Variants in COPS5 observed in about 807,000 individuals in gnomAD.
COPS5 encodes COP9 signalosome subunit 5, also known as COP9 signalosome complex subunit 5.
In COPS5, 8 loss-of-function variants were observed where a neutral mutation model predicts 44.4. That is an observed-to-expected ratio of 0.18 (90% CI 0.11 to 0.32). COPS5 has a LOEUF of 0.32. Ranked by LOEUF, COPS5 falls within the 10% of genes least tolerant of loss-of-function variation. COPS5 has a pLI of 1.00. For missense variants in COPS5, 159 were observed against 406.4 expected, an observed-to-expected ratio of 0.39 and a Z score of 5.23; for synonymous variants, 122 against 142.8, an observed-to-expected ratio of 0.85 and a Z score of 1.04.
At chr8:67,044,072 T>G (rs1200421150) in intron 7 of COPS5, 3 of 152,182 alleles carry the variant, frequency 2.0e-5, no homozygotes, top group Non-Finnish European at 4.4e-5. Context: ...AGACAGAGTC[T>G]CACTCTGTCA....
chr8:67,056,785 C>T (rs1260955884), intron 4 of COPS5, among the ~76,000 whole-genome samples, 181 bp from the exon 5 acceptor site: 1 of 143,378 alleles, frequency 7.0e-6, no homozygotes, highest in Admixed American at 7.2e-5. Flanking sequence ...AAATATTTAA[C>T]ATGAGCATTC....
At chr8:67,047,826 G>T in intron 6 of COPS5, 2 of 702,498 alleles carry the variant, frequency 2.8e-6, no homozygotes, top group South Asian at 1.5e-5. Flanking sequence ...TTGCCATCAG[G>T]TGTCACTTCT....
intron 6 of COPS5, among the ~76,000 whole-genome samples, chr8:67,050,296 C>T (rs1804380763): frequency 1.3e-5 from 2 of 152,192 alleles, no homozygotes; most frequent in South Asian, 2.1e-4. Context: ...CCACCGCGCC[C>T]GGCCTCTTTT....
chr8:67,056,686 TATATATATATATATATATATATATA>T (rs1804517030), intron 4 of COPS5, 82 bp from the exon 5 acceptor site: 1 of 95,554 alleles, frequency 1.0e-5, no homozygotes, highest in Non-Finnish European at 1.9e-5. Context: ...TATATATATA[TATATATATATATATATATATATATA>T]AAAATGAGAA....
rs116268602 is a variant in COPS5, at chr8:67,051,628, T to C, written c.660-287A>G. Among the ~76,000 whole-genome samples, 894 of 152,290 alleles carry C rather than the reference T, an allele frequency of 5.9e-3. 9 individuals carry two copies. Among genetic ancestry groups the C allele is most frequent in the African/African-American group, 0.02 (835 of 41,562 alleles). ...AACTTCTGAATGACAAGTTTATTCC[T>C]GTTACTGAGTTCATAAATTCAAGCC... On this transcript the variant is annotated intron_variant, in intron 5 of 7. Coordinates refer to ENST00000357849, the MANE Select transcript of COPS5 (RefSeq NM_006837.3).
chr8:67,047,830 C>T (rs1816719189), intron 6 of COPS5: 1 of 702,550 alleles, frequency 1.4e-6, no homozygotes, highest in East Asian at 2.7e-5. Flanking sequence ...CATCAGGTGT[C>T]ACTTCTGGCT....
chr8:67,059,271 T>C lies in COPS5; in HGVS notation c.318A>G (p.Arg106=). The change falls in exon 2 of 8, where the codon CGA becomes CGG. Residue 106 remains arginine, a synonymous_variant. Coordinates refer to ENST00000357849, the MANE Select transcript of COPS5 (RefSeq NM_006837.3). ...CATATGCAGCAGCCTGAGCATTTAC[T>C]CGGGTTTCAGTGCCCTCCACAGGCA... ...FALPVEGTET[R]VNAQAAAYEY... The C allele has an allele frequency of 6.2e-7, 1 of 1,614,226 alleles. No individual in the cohort carries two copies. Among genetic ancestry groups the C allele is most frequent in the Admixed American group, 1.7e-5 (1 of 60,018 alleles).
At chr8:67,054,033 A>C (rs1804459912) in intron 5 of COPS5, among the ~76,000 whole-genome samples, 1 of 151,438 alleles carries the variant, frequency 6.6e-6, no homozygotes, top group East Asian at 1.9e-4. Context: ...AGAACATTTT[A>C]GCAATTCCAG....
chr8:67,061,856 C>T lies in COPS5; in HGVS notation c.141G>A (p.Lys47=), dbSNP rs1804647470. The change falls in exon 1 of 8, where the codon AAG becomes AAA. Residue 47 remains lysine (K), a splice_region_variant and synonymous_variant. Transcript: ENST00000357849. ...CGTCTCGCCAGGGACCTCCTCACTCCTTAGTCCAGGGCTTCGCCGCCAGGA... is the reference window on the plus strand; with the variant it reads ...CGTCTCGCCAGGGACCTCCTCACTCTTTAGTCCAGGGCTTCGCCGCCAGGA... ...QEILAAKPWT[K]DHHYFKYCKI... The T allele has an allele frequency of 6.2e-7, 1 of 1,614,182 alleles. No homozygotes were observed.
chr8:67,061,781 C>T (rs2129538079), intron 1 of COPS5, 73 bp downstream of exon 1: 1 of 1,496,858 alleles, frequency 6.7e-7, no homozygotes, highest in Admixed American at 1.7e-5. Context: ...CCCCTTTCAC[C>T]TCCCTCTCCC....
At position 67,061,938 on chromosome 8, in the gene COPS5, T is replaced by C. The variant is rs1232078431; in HGVS notation, c.59A>G (p.Gln20Arg). Reference protein sequence around the residue: ...QKTWELANNMQEAQSIDEIYK... With the variant: ...QKTWELANNMREAQSIDEIYK... The stretch of plus-strand genomic sequence containing the variant: ...GATTTCATCGATACTCTGAGCTTCC[T>C]GCATGTTGTTGGCCAGTTCCCAGGT... The change falls in exon 1 of 8, where the codon CAG becomes CGG. Residue 20 changes from glutamine to arginine, a missense_variant. Transcript: ENST00000357849. 2 of 1,614,150 alleles carry C rather than the reference T, an allele frequency of 1.2e-6. No individual in the cohort carries two copies. Among genetic ancestry groups the C allele is most frequent in the Non-Finnish European group, 1.7e-6 (2 of 1,180,064 alleles).
At chr8:67,044,497 A>G (rs1230056116) in intron 7 of COPS5, 1 of 152,150 alleles carries the variant, frequency 6.6e-6, no homozygotes. Flanking sequence ...AAACCAAACC[A>G]GTTCTTAAAA....
rs1398186637 is a variant in COPS5, at chr8:67,056,660, T to G, written c.574-56A>C. The G allele has an allele frequency of 1.4e-3, 5 of 3,450 alleles. 1 individual carries two copies. Among genetic ancestry groups the G allele is most frequent in the Admixed American group, 4.5e-3 (1 of 222 alleles). 0.2% of individuals were successfully genotyped at this position (3,450 alleles called of 1,614,324 possible). ...AGAAAAAAAAAAAAAAAAATATATA[T>G]ATATATATATATATATATATATATA... On this transcript the variant is annotated intron_variant, in intron 4 of 7. Coordinates refer to ENST00000357849, the MANE Select transcript of COPS5 (RefSeq NM_006837.3).
At chr8:67,048,251 AGAGT>A (rs1816724177) in intron 6 of COPS5, among the ~76,000 whole-genome samples, 1 of 152,128 alleles carries the variant, frequency 6.6e-6, no homozygotes, top group African/African-American at 2.4e-5. Context: ...CCTGGGCAAC[AGAGT>A]GAGACCCTGT....
At position 67,059,482 on chromosome 8, in the gene COPS5, T is replaced by C. The variant is rs200851648; in HGVS notation, c.144-37A>G. 373 of 1,487,292 alleles carry C rather than the reference T, an allele frequency of 2.5e-4. No individual in the cohort carries two copies. In the African/African-American group the frequency reaches 4.6e-3, roughly 18 times the overall value. 92.1% of individuals were successfully genotyped at this position (1,487,292 alleles called of 1,614,324 possible). A position where few individuals can be genotyped will look rare whatever the true frequency, so the allele number is the denominator to read the frequency against. On this transcript the variant is annotated intron_variant, in intron 1 of 7. Transcript: ENST00000357849. Reference sequence around the variant, plus strand: ...AATCACAATGTAATTAAATTCCTTATATAAAGTAAAATTTCAGAAAAGTTT... The same window carrying C: ...AATCACAATGTAATTAAATTCCTTACATAAAGTAAAATTTCAGAAAAGTTT...
Position 67,054,838 on chromosome 8 carries a change from T to A in COPS5, c.659+1681A>T, listed in dbSNP as rs1239385426. 2.0e-5 allele frequency among the ~76,000 whole-genome samples: 3 copies of A among 152,148 alleles called. No homozygotes were observed. The East Asian group carries it at 5.8e-4, about 29-fold the overall frequency. On this transcript the variant is annotated intron_variant, in intron 5 of 7. Transcript: ENST00000357849. Reference sequence around the variant, plus strand: ...TCTATGTGGCATGCCCTGTTTTAAATCCAAGGATACAGCAGTAAATTTGTG... The same window carrying A: ...TCTATGTGGCATGCCCTGTTTTAAAACCAAGGATACAGCAGTAAATTTGTG...
At chr8:67,047,788 G>A (rs1816718714) in intron 6 of COPS5, 1 of 702,486 alleles carries the variant, frequency 1.4e-6, no homozygotes, top group Non-Finnish European at 2.6e-6. Flanking sequence ...GGTTCAGACT[G>A]TTCTGGTCTT....
chr8:67,045,056 A>G (rs1816682768), intron 7 of COPS5: 1 of 152,238 alleles, frequency 6.6e-6, no homozygotes, highest in African/African-American at 2.4e-5. Context: ...TTGGGATACT[A>G]AATTACTGTT....
intron 7 of COPS5, chr8:67,045,610 A>C: frequency 1.7e-6 from 1 of 575,688 alleles, no homozygotes; most frequent in Non-Finnish European, 3.1e-6. Context: ...AAGCCTTTTC[A>C]TGTTCTTACC....
Sources: allele counts gnomAD v4.1 joint callset (sites outside exome capture counted in the v4.1 genomes callset), GRCh38; gene constraint gnomAD v4.1.1; transcripts MANE v1.5; gene names NCBI Gene and HGNC (gene_info 2026-07-23, HGNC 2026-07-21).